PPP2R2C: variants seen among roughly 807,000 people sequenced by gnomAD.
PPP2R2C encodes protein phosphatase 2, regulatory subunit B, gamma.
PPP2R2C carries 10 observed loss-of-function variants against 45.3 expected under a neutral mutation model. That is an observed-to-expected ratio of 0.22 (90% CI 0.14 to 0.37). PPP2R2C has a LOEUF of 0.37. PPP2R2C is among the 10% of genes least tolerant of loss of function. The probability of loss-of-function intolerance (pLI) is 1.00; values close to 1 mark genes in which losing one functional copy is unlikely to be tolerated. For missense variants in PPP2R2C, 308 were observed against 619.7 expected (o/e 0.50, Z 5.34); for synonymous variants, 257 against 245.4 (o/e 1.05, Z -0.44).
At chr4:6,430,453 G>A (rs144684507) in intron 1 of PPP2R2C, among the ~76,000 whole-genome samples, 4 of 152,236 alleles carry the variant, frequency 2.6e-5, no homozygotes, top group Non-Finnish European at 4.4e-5. Flanking sequence ...ACTTCCCTAC[G>A]TGACTCCCCC....
chr4:6,497,862 G>A (rs1278956789), intron 2 of PPP2R2C, among the ~76,000 whole-genome samples: 1 of 152,208 alleles, frequency 6.6e-6, no homozygotes, highest in Non-Finnish European at 1.5e-5. Flanking sequence ...GTCATGAGAA[G>A]TGCCTTAAAA....
At chr4:6,514,413 T>C (rs991210248) in intron 2 of PPP2R2C, among the ~76,000 whole-genome samples, 18 of 152,186 alleles carry the variant, frequency 1.2e-4, no homozygotes, top group African/African-American at 4.1e-4. Context: ...GCCACTTTGA[T>C]AGAAGAGGTG....
chr4:6,481,157 C>T (rs1722332783), intron 2 of PPP2R2C, among the ~76,000 whole-genome samples: 1 of 152,204 alleles, frequency 6.6e-6, no homozygotes, highest in Non-Finnish European at 1.5e-5. Flanking sequence ...TCTTGTCCTA[C>T]AGAAGTCATT....
chr4:6,488,702 A>G (rs1227307267), intron 2 of PPP2R2C, among the ~76,000 whole-genome samples: 1 of 152,114 alleles, frequency 6.6e-6, no homozygotes, highest in Non-Finnish European at 1.5e-5. Flanking sequence ...AAAATGAAAC[A>G]GTTTCACCCT....
At chr4:6,365,938 C>T (rs1714258915) in intron 5 of PPP2R2C, among the ~76,000 whole-genome samples, 1 of 152,176 alleles carries the variant, frequency 6.6e-6, no homozygotes, top group African/African-American at 2.4e-5. Context: ...CTTTAAGATG[C>T]ATCAGACTCA....
At chr4:6,394,107 C>A (rs998207161) in intron 1 of PPP2R2C, among the ~76,000 whole-genome samples, 1 of 152,216 alleles carries the variant, frequency 6.6e-6, no homozygotes, top group Non-Finnish European at 1.5e-5. Flanking sequence ...CTTGCCAAGG[C>A]TCTGCCCAGA....
chr4:6,335,754 G>A (rs1381296430), intron 6 of PPP2R2C, among the ~76,000 whole-genome samples: 2 of 151,942 alleles, frequency 1.3e-5, no homozygotes, highest in African/African-American at 2.4e-5. Context: ...GTGAGAGGAG[G>A]GGGAGGGAAG....
intron 2 of PPP2R2C, among the ~76,000 whole-genome samples, chr4:6,526,912 T>C (rs1724225791): frequency 6.6e-6 from 1 of 152,094 alleles, no homozygotes; most frequent in African/African-American, 2.4e-5. Context: ...GTAGGCTTTG[T>C]TACAGCCCTG....
At chr4:6,557,940 C>T (rs777971401) in intron 1 of PPP2R2C, among the ~76,000 whole-genome samples, 33 of 152,110 alleles carry the variant, frequency 2.2e-4, no homozygotes, top group Admixed American at 7.9e-4. Flanking sequence ...TCCAGGCAAA[C>T]CCTCCCCAGC....
intron 2 of PPP2R2C, among the ~76,000 whole-genome samples, chr4:6,527,826 G>A (rs957357298): frequency 1.3e-5 from 2 of 152,172 alleles, no homozygotes; most frequent in Non-Finnish European, 2.9e-5. Flanking sequence ...GGCCACCCGA[G>A]AAGTGACCTG....
chr4:6,441,860 G>C (rs1373258962), intron 1 of PPP2R2C, among the ~76,000 whole-genome samples: 2 of 152,204 alleles, frequency 1.3e-5, no homozygotes, highest in Admixed American at 6.5e-5. Context: ...TGTATTACTG[G>C]GTATGGCCCC....
rs1715520401 is a variant in PPP2R2C, at chr4:6,378,454, T to C, written c.287A>G (p.Lys96Arg). ...LEIEEKINKIKWLPQQNAAHS... is the reference protein window; with the variant it reads ...LEIEEKINKIRWLPQQNAAHS... ...GGCGGCGTTCTGCTGTGGGAGCCACTTGATCTTGTTGATCTTCTCCTCTAT... is the reference window on the plus strand; with the variant it reads ...GGCGGCGTTCTGCTGTGGGAGCCACCTGATCTTGTTGATCTTCTCCTCTAT... Residue 96 changes from lysine to arginine, a missense_variant, in exon 3 of 9, where the codon AAG becomes AGG. By Grantham distance (26) the Lys-to-Arg change is conservative (BLOSUM62 2). Transcript: ENST00000382599. This position sits in a 1 kb window ranked among gnomAD's most constrained non-coding sequence, Gnocchi z 5.2. 6.2e-7 allele frequency: 1 copy of C among 1,614,076 alleles called. No homozygotes were observed.
intron 2 of PPP2R2C, among the ~76,000 whole-genome samples, chr4:6,495,169 A>C (rs1219627357): frequency 2.0e-5 from 3 of 152,234 alleles, no homozygotes; most frequent in African/African-American, 7.2e-5. Flanking sequence ...GCTGAGAGCC[A>C]CAGTGTGGGG....
intron 1 of PPP2R2C, among the ~76,000 whole-genome samples, chr4:6,400,572 T>C (rs1268299305): frequency 1.3e-5 from 2 of 152,174 alleles, no homozygotes; most frequent in Non-Finnish European, 2.9e-5. Flanking sequence ...GCCCTAAAAG[T>C]ACATTGGGTG....
chr4:6,383,384 A>T, intron 1 of PPP2R2C: 1 of 1,289,676 alleles, frequency 7.8e-7, no homozygotes, highest in South Asian at 1.2e-5. Flanking sequence ...CGTGTTTTTA[A>T]CTCAGCAAAA....
At chr4:6,434,288 C>T (rs1002935424) in intron 1 of PPP2R2C, among the ~76,000 whole-genome samples, 18 of 152,102 alleles carry the variant, frequency 1.2e-4, no homozygotes, top group Admixed American at 5.9e-4. Flanking sequence ...TCCATTCTTT[C>T]CCATTACCAA....
At chr4:6,562,469 G>C (rs1206001070) in intron 1 of PPP2R2C, among the ~76,000 whole-genome samples, 1 of 23,170 alleles carries the variant, frequency 4.3e-5, no homozygotes, top group Non-Finnish European at 2.0e-4. Context: ...CAACGGAGTC[G>C]GGGGGGGGGG....
intron 5 of PPP2R2C, among the ~76,000 whole-genome samples, chr4:6,365,203 T>C (rs574703914): frequency 6.6e-6 from 1 of 152,244 alleles, no homozygotes; most frequent in East Asian, 1.9e-4. Flanking sequence ...TGCTGCTGAA[T>C]CAACCAATGA....
At chr4:6,461,846 T>C (rs904961023) in intron 1 of PPP2R2C, among the ~76,000 whole-genome samples, 1 of 152,216 alleles carries the variant, frequency 6.6e-6, no homozygotes, top group Non-Finnish European at 1.5e-5. Context: ...AAGTGAGCAC[T>C]GTGTGGGCAG....
Sources: allele counts gnomAD v4.1 joint callset (sites outside exome capture counted in the v4.1 genomes callset), GRCh38; gene constraint gnomAD v4.1.1; non-coding constraint Gnocchi (gnomAD v3.1); transcripts MANE v1.5; gene names NCBI Gene and HGNC (gene_info 2026-07-23, HGNC 2026-07-21).